The following CPZ variants were observed in gnomAD, a reference collection of about 807,000 sequenced individuals.
CPZ encodes the protein carboxypeptidase Z, also known as VEZT/CPZ fusion.
A neutral mutation model predicts 61.8 loss-of-function variants in CPZ; 103 were observed. That is an observed-to-expected ratio of 1.67 (90% CI 1.42 to 1.96). The LOEUF (loss-of-function observed/expected upper bound fraction) is 1.96, where lower values mean the gene tolerates loss of function less well. Among genes scored for constraint, CPZ ranks in the 30% most tolerant of loss-of-function variants. The pLI, the probability that CPZ is intolerant of heterozygous loss-of-function variation, is 0.00. For missense variants in CPZ, 1,461 were observed against 914.9 expected (o/e 1.60, Z -7.70); for synonymous variants, 551 against 373.7 (o/e 1.47, Z -5.47).
At chr4:8,610,262 A>C (rs1213692969) in intron 7 of CPZ, among the ~76,000 whole-genome samples, 3 of 152,154 alleles carry the variant, frequency 2.0e-5, no homozygotes. Flanking sequence ...CAGCCTCTGG[A>C]CCGACAGCTC....
At position 8,605,999 on chromosome 4, in the gene CPZ, G is replaced by C; in HGVS notation, c.720G>C (p.Glu240Asp). ...TGTATTTGCCCCCAGTGGAGCCCGA[G>C]GTGAAGCTCATCGGCAACATTCATG... Reference protein sequence around the residue: ...RPGQHELMEPEVKLIGNIHGN... With the variant: ...RPGQHELMEPDVKLIGNIHGN... The change falls in exon 5 of 11, where the codon GAG becomes GAC. Residue 240 changes from glutamate to aspartate, a missense_variant. Transcript: ENST00000360986. 6.2e-7 allele frequency: 1 copy of C among 1,613,148 alleles called. No individual in the cohort carries two copies. Among genetic ancestry groups the C allele is most frequent in the Non-Finnish European group, 8.5e-7 (1 of 1,179,136 alleles).
At chr4:8,619,231 T>G (rs899938539) in intron 10 of CPZ, 31 bp from the exon 11 acceptor site, 2 of 1,564,714 alleles carry the variant, frequency 1.3e-6, no homozygotes, top group South Asian at 1.2e-5. Flanking sequence ...GCAGTCCTCG[T>G]GAGAATCATT....
At position 8,607,313 on chromosome 4, in the gene CPZ, C is replaced by T. The variant is rs866353388; in HGVS notation, c.1115C>T (p.Pro372Leu). The change falls in exon 7 of 11, where the codon CCC becomes CTC. Residue 372 changes from proline to leucine, a missense_variant. By Grantham distance (98) the Pro-to-Leu change is moderately conservative. Coordinates refer to ENST00000360986, the MANE Select transcript of CPZ (RefSeq NM_001014447.3). ...ATCATGAAGTGGATGCAGACCATAC[C>T]CTTTGTGCTCTCAGCCAGCCTTCAT... ...KAIMKWMQTI[P>L]FVLSASLHGG... The T allele has an allele frequency of 6.2e-7, 1 of 1,614,106 alleles. No homozygotes were observed.
chr4:8,608,128 C>T (rs1393285492), intron 7 of CPZ, among the ~76,000 whole-genome samples: 5 of 117,652 alleles, frequency 4.2e-5, no homozygotes, highest in African/African-American at 1.4e-4. Flanking sequence ...TGAGGTGGGC[C>T]CCAGCCTCCA....
rs1713894581 is a variant in CPZ, at chr4:8,592,887, C to T, written c.54C>T (p.Ala18=). The change falls in exon 1 of 11, where the codon GCC becomes GCT. Residue 18 remains alanine (A), a synonymous_variant. Coordinates refer to ENST00000360986, the MANE Select transcript of CPZ (RefSeq NM_001014447.3). Reference sequence around the variant, plus strand: ...TTACAGTCCTGGTCGTCGCCGCTGCCCGGCCGGGGTGCGAGTTTGAGCGGA... The same window carrying T: ...TTACAGTCCTGGTCGTCGCCGCTGCTCGGCCGGGGTGCGAGTTTGAGCGGA... ...LLLTVLVVAA[A]RPGCEFERNP... The T allele has an allele frequency of 1.2e-5, 19 of 1,534,568 alleles. No individual in the cohort carries two copies. Among genetic ancestry groups the T allele is most frequent in the Non-Finnish European group, 1.7e-5 (19 of 1,144,092 alleles).
intron 4 of CPZ, among the ~76,000 whole-genome samples, chr4:8,605,706 A>G (rs556818661): frequency 6.7e-6 from 1 of 149,876 alleles, no homozygotes; most frequent in African/African-American, 2.5e-5. Context: ...TTATTACACA[A>G]ACATGAAGAG....
intron 10 of CPZ, among the ~76,000 whole-genome samples, chr4:8,618,839 GTTTC>G (rs1357620391): frequency 6.6e-6 from 1 of 152,222 alleles, no homozygotes; most frequent in Non-Finnish European, 1.5e-5. Context: ...AAGCCTGTTT[GTTTC>G]TATCCCAAAG....
In CPZ at chr4:8,612,186, T is replaced by TC. The variant is rs201962229; in HGVS notation, c.1363+24_1363+25insC. 6.8e-3 allele frequency: 1,218 copies of TC among 179,722 alleles called. 26 individuals are homozygous for TC. Among genetic ancestry groups the TC allele is most frequent in the South Asian group, 0.048 (183 of 3,782 alleles). The allele number at this position is 179,722 out of a possible 1,614,324, so 11.1% of individuals were successfully genotyped here. On this transcript the variant is annotated intron_variant, in intron 8 of 10. Transcript: ENST00000360986. Reference sequence around the variant, plus strand: ...AGGTGCGGCTTCCGCAGGGCGGGACTGGGCGGGGGGTGGGGGGTGCAGGGG... The same window carrying TC: ...AGGTGCGGCTTCCGCAGGGCGGGACTCGGGCGGGGGGTGGGGGGTGCAGGGG...
chr4:8,596,387 A>C (rs1053460441), intron 1 of CPZ, among the ~76,000 whole-genome samples: 3 of 152,198 alleles, frequency 2.0e-5, no homozygotes, highest in African/African-American at 7.2e-5. Flanking sequence ...GCGCTTTGCT[A>C]GGGCAGCCCT....
rs1715746062 is a variant in CPZ, at chr4:8,612,068, CATG to C, written c.1276_1278del (p.Met426del). On this transcript the variant is annotated inframe_deletion, in exon 8 of 11. Transcript: ENST00000360986. ...CCAGAGCCTACGCTGACGTCCACCC[CATG>C]ATGATGGACAGGTCGGAGAATAGGT... 10 of 1,613,746 alleles carry C rather than the reference CATG, an allele frequency of 6.2e-6. No homozygotes were observed. The highest frequency in any genetic ancestry group is 1.7e-5 in the Admixed American group (1 of 59,984).
At chr4:8,609,209 T>TACTCATTCACTCACTCCCTC (rs1560298165) in intron 7 of CPZ, among the ~76,000 whole-genome samples, 4 of 43,414 alleles carry the variant, frequency 9.2e-5, no homozygotes, top group Admixed American at 3.2e-4. Context: ...CTCACTCACT[T>TACTCATTCACTCACTCCCTC]ACTCATTCAC....
intron 7 of CPZ, among the ~76,000 whole-genome samples, chr4:8,608,028 C>CCTTA (rs1281397076): frequency 7.1e-6 from 1 of 141,716 alleles, no homozygotes; most frequent in Non-Finnish European, 1.6e-5. Flanking sequence ...CCCACCCTAA[C>CCTTA]CTTAGGACGA....
Position 8,607,532 on chromosome 4 carries a change from AC to A in CPZ, c.1227+109del, listed in dbSNP as rs1715143298. On this transcript the variant is annotated intron_variant, in intron 7 of 10. Transcript: ENST00000360986. ...CTCAGTGAAGGCAAAGCTCCTAGGA[AC>A]CTCTACTCAGAGCGGGTCAGCACCA... 5 of 1,333,388 alleles carry A rather than the reference AC, an allele frequency of 3.7e-6. No homozygotes were observed. The Admixed American group carries it at 1.1e-4, about 29-fold the overall frequency. 82.6% of individuals were successfully genotyped at this position (1,333,388 alleles called of 1,614,324 possible). A position where few individuals can be genotyped will look rare whatever the true frequency, so the allele number is the denominator to read the frequency against.
chr4:8,594,365 C>G (rs777870666), intron 1 of CPZ, among the ~76,000 whole-genome samples: 24 of 152,368 alleles, frequency 1.6e-4, no homozygotes, highest in Middle Eastern at 6.8e-3. Context: ...CTGGTGCTCT[C>G]TCCTCTCTGC....
intron 4 of CPZ, among the ~76,000 whole-genome samples, chr4:8,604,946 C>A (rs1355467520): frequency 6.6e-6 from 1 of 152,226 alleles, no homozygotes; most frequent in Non-Finnish European, 1.5e-5. Context: ...GGCCAGAGGC[C>A]ACCTGGCCAC....
chr4:8,611,187 C>A (rs1411412972), intron 7 of CPZ: 1 of 455,378 alleles, frequency 2.2e-6, no homozygotes, highest in Non-Finnish European at 4.4e-6. Context: ...TCAGCACAGA[C>A]CTGTCCTGCT....
chr4:8,613,832 G>T (rs1715921889), intron 8 of CPZ, among the ~76,000 whole-genome samples: 1 of 152,222 alleles, frequency 6.6e-6, no homozygotes, highest in African/African-American at 2.4e-5. Flanking sequence ...GAGCTAATAG[G>T]ACCACCCTCC....
At chr4:8,598,470 C>T (rs1246489238) in intron 1 of CPZ, among the ~76,000 whole-genome samples, 2 of 152,246 alleles carry the variant, frequency 1.3e-5, no homozygotes, top group African/African-American at 4.8e-5. Context: ...GCCAGGCAGG[C>T]AGGCCTTTTC....
chr4:8,605,406 A>T (rs1430074173), intron 4 of CPZ, among the ~76,000 whole-genome samples: 1 of 151,260 alleles, frequency 6.6e-6, no homozygotes, highest in African/African-American at 2.4e-5. Flanking sequence ...TCATACATCC[A>T]TGCATCCATC....
Sources: gnomAD v4.1 joint callset for allele counts (sites outside exome capture counted in the v4.1 genomes callset) on GRCh38, gnomAD v4.1.1 for gene constraint, MANE v1.5 for transcripts, NCBI Gene and HGNC (gene_info 2026-07-23, HGNC 2026-07-21) for gene names.